The following PCNX1 variants were observed in gnomAD, a reference collection of about 807,000 sequenced individuals.
The protein encoded by PCNX1 is pecanex 1.
Under a neutral mutation model 242.2 loss-of-function variants are expected in PCNX1, and 78 were observed. That is an observed-to-expected ratio of 0.32 (90% CI 0.27 to 0.39). The LOEUF is 0.39. Ranked by LOEUF, PCNX1 falls within the 10% of genes least tolerant of loss-of-function variation. The pLI, the probability that PCNX1 is intolerant of heterozygous loss-of-function variation, is 1.00. For missense variants in PCNX1, 2,581 were observed against 2,856.5 expected (o/e 0.90, Z 2.20); for synonymous variants, 1,024 against 1,032.9 (o/e 0.99, Z 0.17).
intron 24 of PCNX1, among the ~76,000 whole-genome samples, chr14:71,055,258 T>C (rs1385073538): frequency 3.3e-5 from 5 of 152,154 alleles, no homozygotes; most frequent in Admixed American, 3.3e-4. Flanking sequence ...TAGATGTCTT[T>C]CCATACACTG....
At position 71,055,570 on chromosome 14, in the gene PCNX1, C is replaced by T; in HGVS notation, c.4636+8C>T. On this transcript the variant is annotated splice_region_variant and intron_variant, in intron 25 of 35. Transcript: ENST00000304743. ...AGCTTGATAGAAATCCAGGTAATAG[C>T]TCTATTTGTGACTAAGGAGGCAAGA... is the stretch of plus-strand genomic sequence containing the variant. 2 of 1,570,590 alleles carry T rather than the reference C, an allele frequency of 1.3e-6. No homozygotes were observed. The highest frequency in any genetic ancestry group is 1.8e-6 in the Non-Finnish European group (2 of 1,142,264).
intron 2 of PCNX1, among the ~76,000 whole-genome samples, chr14:70,948,702 T>G (rs1484725841): frequency 6.7e-6 from 1 of 149,890 alleles, no homozygotes; most frequent in Admixed American, 6.7e-5. Flanking sequence ...CGTGTATATA[T>G]ACACACATAC....
At chr14:71,048,171 T>C (rs756001378) in intron 22 of PCNX1, among the ~76,000 whole-genome samples, 187 bp downstream of exon 22, 27 of 152,208 alleles carry the variant, frequency 1.8e-4, no homozygotes, top group Non-Finnish European at 3.5e-4. Flanking sequence ...ATAAAAGATA[T>C]ATTTCTTGCT....
chr14:71,047,553 CAG>C (rs1451904852), intron 21 of PCNX1, among the ~76,000 whole-genome samples: 1 of 151,972 alleles, frequency 6.6e-6, no homozygotes, highest in Non-Finnish European at 1.5e-5. Context: ...AATCAGATGT[CAG>C]AATTACAATA....
At chr14:71,002,166 A>G (rs982975792) in intron 8 of PCNX1, among the ~76,000 whole-genome samples, 1 of 152,208 alleles carries the variant, frequency 6.6e-6, no homozygotes, top group Non-Finnish European at 1.5e-5. Flanking sequence ...TTGGGTAGTA[A>G]TGAACTTTCT....
intron 22 of PCNX1, among the ~76,000 whole-genome samples, chr14:71,049,325 A>G (rs1165244829): frequency 1.3e-5 from 2 of 152,148 alleles, no homozygotes; most frequent in African/African-American, 2.4e-5. Flanking sequence ...TTTGTATTTA[A>G]ATTGGTCAGT....
At chr14:70,941,888 C>T (rs1301473939) in intron 1 of PCNX1, among the ~76,000 whole-genome samples, 4 of 152,184 alleles carry the variant, frequency 2.6e-5, no homozygotes, top group Non-Finnish European at 5.9e-5. Flanking sequence ...GACTGCTGTG[C>T]TAGGAGTGAG....
At chr14:70,931,671 A>G (rs58671841) in intron 1 of PCNX1, among the ~76,000 whole-genome samples, 1,797 of 152,342 alleles carry the variant, frequency 0.012, 39 homozygotes, top group African/African-American at 0.041. Flanking sequence ...TATTAGCAGA[A>G]CAGACAGAAC....
At chr14:70,968,033 G>T (rs914843776) in intron 3 of PCNX1, among the ~76,000 whole-genome samples, 165 bp from the exon 4 acceptor site, 1 of 152,272 alleles carries the variant, frequency 6.6e-6, no homozygotes, top group Middle Eastern at 3.4e-3. Context: ...AACAGGTTGC[G>T]TGGCTCCAAT....
rs1396180321 is a variant in PCNX1, at chr14:70,978,254, A to T, written c.1917A>T (p.Arg639Ser). 1.2e-6 allele frequency: 2 copies of T among 1,614,038 alleles called. No individual in the cohort carries two copies. The highest frequency in any genetic ancestry group is 8.5e-7 in the Non-Finnish European group (1 of 1,180,030). ...ATTCCTGTCAGTCTCCTGAGGGCAG[A>T]TACAGTGCTCTAAAGACCAAACACA... ...TSHSCQSPEG[R>S]YSALKTKHTH... Residue 639 changes from arginine to serine, a missense_variant, in exon 6 of 36, where the codon AGA (arginine) becomes AGT (serine). Around this residue, in one of 9 missense-constraint regions of PCNX1, gnomAD observed 1,204 missense variants for 1,216.7 expected, o/e 0.99. Transcript: ENST00000304743.
chr14:70,925,512 A>G (rs2056554721), intron 1 of PCNX1, among the ~76,000 whole-genome samples: 2 of 150,210 alleles, frequency 1.3e-5, no homozygotes, highest in Admixed American at 6.6e-5. Context: ...GTCATTCACT[A>G]TCAGACTAAT....
At chr14:70,959,630 T>G (rs897934697) in intron 2 of PCNX1, among the ~76,000 whole-genome samples, 16 of 151,002 alleles carry the variant, frequency 1.1e-4, no homozygotes, top group Admixed American at 7.3e-4. Flanking sequence ...AGTCTATCAT[T>G]GTTGGACATT....
intron 16 of PCNX1, among the ~76,000 whole-genome samples, chr14:71,030,839 C>T (rs1332667893): frequency 6.6e-6 from 1 of 152,162 alleles, no homozygotes; most frequent in African/African-American, 2.4e-5. Flanking sequence ...TCCCTTCCCT[C>T]ATCATCATAA....
chr14:70,927,417 A>G (rs1250337966), intron 1 of PCNX1, among the ~76,000 whole-genome samples: 1 of 152,146 alleles, frequency 6.6e-6, no homozygotes, highest in Admixed American at 6.6e-5. Flanking sequence ...AAAGGTAGAA[A>G]TGGATTATAC....
At chr14:70,955,773 A>G (rs1009051069) in intron 2 of PCNX1, among the ~76,000 whole-genome samples, 1 of 152,126 alleles carries the variant, frequency 6.6e-6, no homozygotes, top group Non-Finnish European at 1.5e-5. Flanking sequence ...TTATATGTTT[A>G]GCTATATTTA....
Position 70,978,085 on chromosome 14 carries a change from T to C in PCNX1, c.1748T>C (p.Phe583Ser), listed in dbSNP as rs763474288. The part of the protein sequence containing the change: ...DSSRHRDYVC[F>S]RGVSGTKPHS... ...AGCCGGCATAGGGACTATGTTTGCTTTCGAGGTGTTTCTGGTACCAAGCCA... is the reference window on the plus strand; with the variant it reads ...AGCCGGCATAGGGACTATGTTTGCTCTCGAGGTGTTTCTGGTACCAAGCCA... Residue 583 changes from phenylalanine to serine, a missense_variant, in exon 6 of 36, where the codon TTT becomes TCT. By Grantham distance (155) the Phe-to-Ser change is radical. Transcript: ENST00000304743. 6.2e-7 allele frequency: 1 copy of C among 1,614,092 alleles called. No individual in the cohort carries two copies. The highest frequency in any genetic ancestry group is 8.5e-7 in the Non-Finnish European group (1 of 1,179,996).
At chr14:70,975,212 TAA>T (rs746352498) in intron 5 of PCNX1, among the ~76,000 whole-genome samples, 4 of 152,196 alleles carry the variant, frequency 2.6e-5, no homozygotes, top group African/African-American at 7.2e-5. Flanking sequence ...TTATTAGAGA[TAA>T]AGAGTTTTTA....
rs1011257535 is a variant in PCNX1, at chr14:71,047,209, G to C, written c.4160+104G>C. The C allele has an allele frequency of 1.2e-5, 8 of 676,312 alleles. No individual in the cohort carries two copies. In the South Asian group the frequency reaches 3.7e-4, roughly 32 times the overall value. 41.9% of individuals were successfully genotyped at this position (676,312 alleles called of 1,614,324 possible). A position where few individuals can be genotyped will look rare whatever the true frequency, so the allele number is the denominator to read the frequency against. ...TAAATAATTGTTTCCTTCATGCAAG[G>C]CACTGTGAGATTAAAAATTTAGGTG... On this transcript the variant is annotated intron_variant, in intron 21 of 35. Coordinates refer to ENST00000304743, the MANE Select transcript of PCNX1 (RefSeq NM_014982.3).
chr14:71,038,864 C>CAT (rs2060623418), intron 19 of PCNX1, among the ~76,000 whole-genome samples: 1 of 151,190 alleles, frequency 6.6e-6, no homozygotes, highest in Non-Finnish European at 1.5e-5. Context: ...AAATGTGGCA[C>CAT]ATATACACCA....
Sources: gnomAD v4.1 joint callset for allele counts (sites outside exome capture counted in the v4.1 genomes callset) on GRCh38, gnomAD v4.1.1 for gene constraint, gnomAD v4.1.1 regional missense constraint, MANE v1.5 for transcripts, NCBI Gene and HGNC (gene_info 2026-07-23, HGNC 2026-07-21) for gene names.